Variants in VSIG4 observed in about 807,000 individuals in gnomAD.
The protein encoded by VSIG4 is V-set and immunoglobulin domain-containing protein 4.
In VSIG4, 34 loss-of-function variants were observed where a neutral mutation model predicts 23.4. The observed-to-expected ratio is 1.45, with a 90% CI of 1.10 to 1.93. The LOEUF (loss-of-function observed/expected upper bound fraction) is 1.93. Among genes scored for constraint, VSIG4 ranks in the 30% most tolerant of loss-of-function variants. The pLI is 0.00. For missense variants in VSIG4, 433 were observed against 310.8 expected (o/e 1.39, Z -2.96); for synonymous variants, 169 against 120.3 (o/e 1.41, Z -2.65).
chrX:66,022,495 T>C lies in VSIG4; in HGVS notation c.968A>G (p.His323Arg). 8.3e-7 allele frequency: 1 copy of C among 1,211,283 alleles called. No homozygotes were observed. Among genetic ancestry groups the C allele is most frequent in the South Asian group, 1.8e-5 (1 of 56,957 alleles). ...QEHVYEAARA[H>R]AREANDSGET... ...TCCAGAGTCGTTGGCCTCTCTGGCATGTGCCCTATGGCCCAAGAGCCCACC... is the reference window on the plus strand; with the variant it reads ...TCCAGAGTCGTTGGCCTCTCTGGCACGTGCCCTATGGCCCAAGAGCCCACC... Residue 323 changes from histidine to arginine, a missense_variant, in exon 8 of 8, where the codon CAT (histidine) becomes CGT (arginine). Physicochemically the swap from His to Arg is conservative, Grantham distance 29. Coordinates refer to ENST00000374737, the MANE Select transcript of VSIG4 (RefSeq NM_007268.3).
In VSIG4 at chrX:66,033,898, G is replaced by T. The variant is rs1427661603; in HGVS notation, c.56-68C>A. On this transcript the variant is annotated intron_variant, in intron 1 of 7. Coordinates refer to ENST00000374737, the MANE Select transcript of VSIG4 (RefSeq NM_007268.3). ...TACCTACTTGGCAACTAAGGTGACA[G>T]TGACAAACCTCAAAAGGTTTCTGAG... 4 of 874,574 alleles carry T rather than the reference G, an allele frequency of 4.6e-6. No homozygotes were observed. In the East Asian group the frequency reaches 1.3e-4, roughly 27 times the overall value. 72.1% of individuals were successfully genotyped at this position (874,574 alleles called of 1,213,427 possible).
At chrX:66,037,552 A>G (rs1441795958) in intron 1 of VSIG4, among the ~76,000 whole-genome samples, 1 of 66,054 alleles carries the variant, frequency 1.5e-5, no homozygotes, top group East Asian at 4.2e-4. Context: ...ATTATATTAT[A>G]TTATATATTT....
rs1602118332 is a variant in VSIG4 at position 66,039,983 on chromosome X, C to T, written c.16G>A (p.Gly6Ser). The T allele has an allele frequency of 1.7e-6, 2 of 1,211,700 alleles. No homozygotes were observed. The highest frequency in any genetic ancestry group is 2.2e-6 in the Non-Finnish European group (2 of 895,358). The change falls in exon 1 of 8, where the codon GGC becomes AGC. Residue 6 changes from glycine to serine, a missense_variant. By Grantham distance (56) the Gly-to-Ser change is moderately conservative (BLOSUM62 0). Transcript: ENST00000374737. MGILL[G>S]LLLLGHLTVD... ...GTTAGGTGCCCCAGGAGTAGCAGGCCCAGTAAGATCCCCATCACAGCCAGA... is the reference window on the plus strand; with the variant it reads ...GTTAGGTGCCCCAGGAGTAGCAGGCTCAGTAAGATCCCCATCACAGCCAGA...
chrX:66,032,772 G>A lies in VSIG4; in HGVS notation c.413-23C>T, dbSNP rs778278315. 4 of 1,200,943 alleles carry A rather than the reference G, an allele frequency of 3.3e-6. No individual in the cohort carries two copies. In the South Asian group the frequency reaches 7.2e-5, roughly 22 times the overall value. On this transcript the variant is annotated intron_variant, in intron 2 of 7. Coordinates refer to ENST00000374737, the MANE Select transcript of VSIG4 (RefSeq NM_007268.3). ...AGACTGCAAAGAAAAGACAAGACAG[G>A]AAACTCTGGGCAGTCATAAGGATAT...
intron 2 of VSIG4, 135 bp from the exon 3 acceptor site, chrX:66,032,884 G>T: frequency 2.9e-6 from 2 of 699,854 alleles, no homozygotes; most frequent in Non-Finnish European, 4.1e-6. Flanking sequence ...TGACTTTGGA[G>T]GAAATAAGAA....
chrX:66,036,807 A>AAT (rs1555961281), intron 1 of VSIG4, among the ~76,000 whole-genome samples: 1 of 39,620 alleles, frequency 2.5e-5, no homozygotes, highest in Admixed American at 5.2e-4. Flanking sequence ...TATATTATAT[A>AAT]ATATTATATA....
chrX:66,038,847 C>T (rs143486426), intron 1 of VSIG4, among the ~76,000 whole-genome samples: 25 of 111,272 alleles, frequency 2.2e-4, no homozygotes, highest in Middle Eastern at 4.6e-3. Flanking sequence ...GAGTCAGCTA[C>T]GGAAAGCTGG....
At chrX:66,027,973 G>A in intron 4 of VSIG4, 77 bp downstream of exon 4, 4 of 939,278 alleles carry the variant, frequency 4.3e-6, no homozygotes, top group Non-Finnish European at 6.2e-6. Context: ...CCATTCCATG[G>A]CATTGTGATT....
intron 1 of VSIG4, among the ~76,000 whole-genome samples, chrX:66,036,809 T>A (rs1470513037): frequency 2.5e-5 from 1 of 39,671 alleles, no homozygotes; most frequent in African/African-American, 1.2e-4. Context: ...TATTATATAA[T>A]ATTATATATT....
In VSIG4 at chrX:66,033,772, A is replaced by T. The variant is rs150979129; in HGVS notation, c.114T>A (p.Asn38Lys). Reference sequence around the variant, plus strand: ...GCAGGGGGTCATAGGTGCAGGGAAGATTCACATCCCCTTTCCAAGGTCCTG... The same window carrying T: ...GCAGGGGGTCATAGGTGCAGGGAAGTTTCACATCCCCTTTCCAAGGTCCTG... ...SVTGPWKGDV[N>K]LPCTYDPLQG... Residue 38 changes from asparagine (N) to lysine (K), a missense_variant, in exon 2 of 8, where the codon AAT (asparagine) becomes AAA (lysine). Physicochemically the swap from Asn to Lys is moderately conservative, Grantham distance 94. Transcript: ENST00000374737. 7.9e-5 allele frequency: 95 copies of T among 1,209,258 alleles called. No homozygotes were observed. The highest frequency in any genetic ancestry group is 1.0e-4 in the Non-Finnish European group (91 of 895,016).
chrX:66,025,247 T>G, intron 5 of VSIG4, 118 bp from the exon 6 acceptor site: 1 of 454,018 alleles, frequency 2.2e-6, no homozygotes, highest in Non-Finnish European at 3.6e-6. Context: ...CATATTCTCC[T>G]AACCTTCTTA....
intron 1 of VSIG4, among the ~76,000 whole-genome samples, chrX:66,039,262 T>A (rs769676523): frequency 8.9e-6 from 1 of 112,036 alleles, no homozygotes; most frequent in African/African-American, 3.2e-5. Flanking sequence ...TCCTCAGGGC[T>A]TTGAAGGGCT....
At chrX:66,022,703 C>A in intron 7 of VSIG4, 138 bp downstream of exon 7, 1 of 1,148,117 alleles carries the variant, frequency 8.7e-7, no homozygotes. Context: ...AGAGGGAAGG[C>A]AGCTATGTCC....
intron 4 of VSIG4, 32 bp downstream of exon 4, chrX:66,028,018 C>T: frequency 4.2e-6 from 5 of 1,183,850 alleles, no homozygotes; most frequent in Non-Finnish European, 5.7e-6. Context: ...TTTTGAACCT[C>T]TACTACTTCC....
At chrX:66,039,342 G>A (rs762711192) in intron 1 of VSIG4, among the ~76,000 whole-genome samples, 4 of 111,881 alleles carry the variant, frequency 3.6e-5, no homozygotes, top group African/African-American at 9.7e-5. Flanking sequence ...TTGGATGGAA[G>A]TCAGAGGGAA....
chrX:66,035,944 T>G (rs1473457618), intron 1 of VSIG4, among the ~76,000 whole-genome samples: 1 of 111,892 alleles, frequency 8.9e-6, no homozygotes, highest in Middle Eastern at 4.2e-3. Context: ...TTTTCCTCCC[T>G]GGGAATTTGC....
At chrX:66,036,130 C>G (rs1420310903) in intron 1 of VSIG4, among the ~76,000 whole-genome samples, 1 of 110,082 alleles carries the variant, frequency 9.1e-6, no homozygotes, top group Non-Finnish European at 1.9e-5. Context: ...TCCCCTTTTA[C>G]TTTTTTTTTC....
intron 3 of VSIG4, among the ~76,000 whole-genome samples, chrX:66,028,702 C>A (rs1269605001): frequency 9.2e-6 from 1 of 109,045 alleles, no homozygotes; most frequent in Non-Finnish European, 1.9e-5. Flanking sequence ...TCCTAGTCCC[C>A]TTACCCCTTC....
intron 5 of VSIG4, among the ~76,000 whole-genome samples, chrX:66,026,264 G>T (rs899000134): frequency 8.9e-6 from 1 of 111,866 alleles, no homozygotes; most frequent in African/African-American, 3.2e-5. Flanking sequence ...CTAAGATATC[G>T]TGTCCTAGGA....
Sources: gnomAD v4.1 joint callset for allele counts (sites outside exome capture counted in the v4.1 genomes callset) on GRCh38, gnomAD v4.1.1 for gene constraint, MANE v1.5 for transcripts, NCBI Gene and HGNC (gene_info 2026-07-23, HGNC 2026-07-21) for gene names.